The following UBE2G2 variants were observed in gnomAD, a reference collection of about 807,000 sequenced individuals.
The protein encoded by UBE2G2 is ubiquitin-conjugating enzyme E2 G2.
In UBE2G2, 10 loss-of-function variants were observed where a neutral mutation model predicts 23.0. The observed-to-expected ratio is 0.43, with a 90% CI of 0.27 to 0.74. UBE2G2 has a LOEUF of 0.74. UBE2G2 is among the 30% of genes least tolerant of loss of function. The pLI is 0.19. For missense variants in UBE2G2, 150 were observed against 218.3 expected, an observed-to-expected ratio of 0.69 and a Z score of 1.97; for synonymous variants, 86 against 81.3, an observed-to-expected ratio of 1.06 and a Z score of -0.31.
chr21:44,797,741 A>AAAAAAAAAAAAAAAAAAAAAAAAAAT (rs869172926), intron 1 of UBE2G2, among the ~76,000 whole-genome samples: 1 of 107,974 alleles, frequency 9.3e-6, no homozygotes, highest in Non-Finnish European at 1.8e-5. Flanking sequence ...AAAAAAAAAA[A>AAAAAAAAAAAAAAAAAAAAAAAAAAT]GAGAAAATAC....
chr21:44,773,893 T>A (rs2082893519), intron 4 of UBE2G2: 3 of 620,256 alleles, frequency 4.8e-6, no homozygotes, highest in Non-Finnish European at 7.8e-6. Flanking sequence ...ACTGACAGGC[T>A]CCAGGCTGAC....
At chr21:44,779,508 C>CG (rs2082940554) in intron 3 of UBE2G2, among the ~76,000 whole-genome samples, 1 of 104,138 alleles carries the variant, frequency 9.6e-6, no homozygotes, top group Non-Finnish European at 2.0e-5. Flanking sequence ...CGGATGAGTA[C>CG]CCCCCCCGGC....
intron 3 of UBE2G2, among the ~76,000 whole-genome samples, chr21:44,782,845 C>T (rs1275628550): frequency 6.6e-6 from 1 of 152,006 alleles, no homozygotes; most frequent in African/African-American, 2.4e-5. Flanking sequence ...CTTCTACAAG[C>T]AAACATAAGA....
chr21:44,793,624 T>C (rs1163900063), intron 1 of UBE2G2, among the ~76,000 whole-genome samples: 3 of 152,184 alleles, frequency 2.0e-5, no homozygotes, highest in African/African-American at 7.2e-5. Context: ...CAAAATAATA[T>C]ACAGTTTCAT....
chr21:44,778,295 C>A (rs938470272), intron 3 of UBE2G2, among the ~76,000 whole-genome samples: 4 of 152,246 alleles, frequency 2.6e-5, no homozygotes, highest in Admixed American at 2.6e-4. Flanking sequence ...AGGCTAGGCA[C>A]ACAGGCACCA....
At position 44,771,557 on chromosome 21, in the gene UBE2G2, C is replaced by G. The variant is rs2082875351; in HGVS notation, c.386-68G>C. The G allele has an allele frequency of 6.6e-7, 1 of 1,513,680 alleles. No individual in the cohort carries two copies. Among genetic ancestry groups the G allele is most frequent in the Non-Finnish European group, 9.1e-7 (1 of 1,102,060 alleles). 93.8% of individuals were successfully genotyped at this position (1,513,680 alleles called of 1,614,324 possible). On this transcript the variant is annotated intron_variant, in intron 5 of 5. Coordinates refer to ENST00000345496, the MANE Select transcript of UBE2G2 (RefSeq NM_003343.6). The surrounding 1 kb of genome is among the most constrained non-coding windows in gnomAD (Gnocchi z 4.6). The stretch of plus-strand genomic sequence containing the variant: ...TACGTAAGCAGCCTGGCAAGGTCTC[C>G]CATTTATTTAAAACACTGGCGGGGG...
intron 1 of UBE2G2, among the ~76,000 whole-genome samples, chr21:44,794,980 A>C (rs900382272): frequency 6.6e-6 from 1 of 152,206 alleles, no homozygotes; most frequent in Non-Finnish European, 1.5e-5. Context: ...TGAAAACCTC[A>C]GTAAGGGCCG....
intron 5 of UBE2G2, 128 bp downstream of exon 5, chr21:44,773,419 G>T: frequency 8.4e-7 from 1 of 1,193,364 alleles, no homozygotes; most frequent in Non-Finnish European, 1.1e-6. Flanking sequence ...AACATTAAAT[G>T]GCAATAGCAT....
intron 3 of UBE2G2, among the ~76,000 whole-genome samples, chr21:44,786,285 C>A (rs889766395): frequency 3.3e-5 from 5 of 152,206 alleles, no homozygotes; most frequent in Non-Finnish European, 7.3e-5. Flanking sequence ...TGCCCCGATA[C>A]AAGTATACAG....
intron 4 of UBE2G2, among the ~76,000 whole-genome samples, chr21:44,776,029 T>C (rs1051989317): frequency 2.0e-5 from 3 of 152,042 alleles, no homozygotes; most frequent in Non-Finnish European, 4.4e-5. Flanking sequence ...TACCTATGTG[T>C]ACCAATATCT....
intron 1 of UBE2G2, among the ~76,000 whole-genome samples, 192 bp from the exon 2 acceptor site, chr21:44,788,287 G>GTTTTTTTTTTTTTTTTTTTTTTTTTTT (rs71326069): frequency 1.5e-5 from 2 of 135,594 alleles, no homozygotes; most frequent in Non-Finnish European, 1.6e-5. Context: ...AAGTTTTTTT[G>GTTTTTTTTTTTTTTTTTTTTTTTTTTT]TTTTTTTTTT....
intron 3 of UBE2G2, among the ~76,000 whole-genome samples, chr21:44,778,381 A>G (rs2082929679): frequency 6.6e-6 from 1 of 152,260 alleles, no homozygotes; most frequent in Non-Finnish European, 1.5e-5. Flanking sequence ...ACTCCCCGTC[A>G]TGGGCACAGA....
intron 3 of UBE2G2, 25 bp downstream of exon 3, chr21:44,787,895 A>T: frequency 3.1e-6 from 5 of 1,611,902 alleles, no homozygotes; most frequent in Non-Finnish European, 4.2e-6. Flanking sequence ...AGCCCTAAAA[A>T]CTAGTACACC....
At chr21:44,781,618 G>A (rs1323564653) in intron 3 of UBE2G2, among the ~76,000 whole-genome samples, 1 of 152,204 alleles carries the variant, frequency 6.6e-6, no homozygotes, top group Non-Finnish European at 1.5e-5. Context: ...TTGGGGAAGT[G>A]CCTTCCTGCA....
At chr21:44,773,783 C>CA (rs1439489769) in intron 4 of UBE2G2, 96 bp from the exon 5 acceptor site, 6 of 1,496,114 alleles carry the variant, frequency 4.0e-6, no homozygotes, top group Non-Finnish European at 5.4e-6. Context: ...ACAAAGACTG[C>CA]AGACACAGCA....
chr21:44,778,297 C>CA (rs2082928781), intron 3 of UBE2G2, among the ~76,000 whole-genome samples: 1 of 152,258 alleles, frequency 6.6e-6, no homozygotes, highest in African/African-American at 2.4e-5. Context: ...GCTAGGCACA[C>CA]AGGCACCACC....
rs573520721 is a variant in UBE2G2, at chr21:44,780,095, T to C, written c.126-2678A>G. Among the ~76,000 whole-genome samples, 4 of 152,382 alleles carry C rather than the reference T, an allele frequency of 2.6e-5. No individual in the cohort carries two copies. In the South Asian group the frequency reaches 8.3e-4, roughly 32 times the overall value. On this transcript the variant is annotated intron_variant, in intron 3 of 5. Transcript: ENST00000345496. Reference sequence around the variant, plus strand: ...ATAGGGCTTTCTTTAAAAAAAATTTTTTTTAATCCACCAGGTCGTTCCTAG... The same window carrying C: ...ATAGGGCTTTCTTTAAAAAAAATTTCTTTTAATCCACCAGGTCGTTCCTAG...
chr21:44,784,467 T>C (rs2082980431), intron 3 of UBE2G2, among the ~76,000 whole-genome samples: 3 of 152,222 alleles, frequency 2.0e-5, no homozygotes, highest in Admixed American at 1.3e-4. Context: ...GGGATCTTTG[T>C]GACACTTTTG....
At position 44,771,380 on chromosome 21, in the gene UBE2G2, C is replaced by T. The variant is rs1555959896; in HGVS notation, c.495G>A (p.Leu165=). Residue 165 remains leucine, a synonymous_variant, in exon 6 of 6, where the codon CTG becomes CTA. Transcript: ENST00000345496. This position sits in a 1 kb window ranked among gnomAD's most constrained non-coding sequence, Gnocchi z 4.6. ...CGCGCCTGTGCGAGGCCAGGTCTCA[C>T]AGTCCCAGAGACTTCTGGACGATCT... ...AKQIVQKSLG[L] The T allele has an allele frequency of 6.2e-7, 1 of 1,612,664 alleles. No individual in the cohort carries two copies. The highest frequency in any genetic ancestry group is 8.5e-7 in the Non-Finnish European group (1 of 1,179,990).
Sources: gnomAD v4.1 joint callset for allele counts (sites outside exome capture counted in the v4.1 genomes callset) on GRCh38, gnomAD v4.1.1 for gene constraint, Gnocchi (gnomAD v3.1) non-coding constraint, MANE v1.5 for transcripts, NCBI Gene and HGNC (gene_info 2026-07-23, HGNC 2026-07-21) for gene names.